ACSL6: variants seen among roughly 807,000 people sequenced by gnomAD.
ACSL6 encodes long-chain-fatty-acid--CoA ligase 6.
In ACSL6, 47 loss-of-function variants were observed where a neutral mutation model predicts 98.2. The ratio of observed to expected loss-of-function variants is 0.48; its 90% CI spans 0.38 to 0.61. The LOEUF is 0.61. ACSL6 is among the 20% of genes least tolerant of loss of function. The pLI is 0.00. For missense variants in ACSL6, 761 were observed against 913.4 expected (o/e 0.83, Z 2.15); for synonymous variants, 362 against 336.9 (o/e 1.07, Z -0.82).
At chr5:131,967,430 G>A (rs917140400) in intron 16 of ACSL6, among the ~76,000 whole-genome samples, 3 of 152,044 alleles carry the variant, frequency 2.0e-5, no homozygotes, top group Admixed American at 6.6e-5. Context: ...TTGGGAGGCC[G>A]AGGTGGGCGG....
intron 16 of ACSL6, among the ~76,000 whole-genome samples, 174 bp downstream of exon 16, chr5:131,967,766 T>C (rs1432651667): frequency 6.6e-6 from 1 of 152,106 alleles, no homozygotes; most frequent in Admixed American, 6.6e-5. Context: ...GCACTAGCTC[T>C]TGGTTGCCTC....
Position 131,986,866 on chromosome 5 carries a change from A to C in ACSL6, c.832-12T>G. On this transcript the variant is annotated splice_polypyrimidine_tract_variant and intron_variant, in intron 7 of 20. Coordinates refer to ENST00000651883, the MANE Select transcript of ACSL6 (RefSeq NM_001009185.3). ...TCTTGGCCACAGTCCTGAAAGAAGA[A>C]AATGCTGTTTTTAAATGCTCAAAAG... is the stretch of plus-strand genomic sequence containing the variant. 2 of 1,614,102 alleles carry C rather than the reference A, an allele frequency of 1.2e-6. No individual in the cohort carries two copies. The highest frequency in any genetic ancestry group is 1.7e-6 in the Non-Finnish European group (2 of 1,180,028).
At chr5:131,973,073 C>T (rs908266703) in intron 12 of ACSL6, among the ~76,000 whole-genome samples, 193 bp downstream of exon 12, 5 of 152,128 alleles carry the variant, frequency 3.3e-5, no homozygotes, top group African/African-American at 1.2e-4. Context: ...AAATCTCTCC[C>T]GCAGGGGTAT....
intron 18 of ACSL6, 106 bp from the exon 19 acceptor site, chr5:131,960,727 G>T: frequency 1.3e-6 from 1 of 744,488 alleles, no homozygotes; most frequent in Admixed American, 3.2e-5. Context: ...CAAAAACTAA[G>T]TATATGTTTA....
chr5:131,992,550 C>A (rs1044981769), intron 2 of ACSL6, among the ~76,000 whole-genome samples: 22 of 152,190 alleles, frequency 1.4e-4, no homozygotes, highest in African/African-American at 5.3e-4. Flanking sequence ...CATGTCCTGT[C>A]TTCCAGACCC....
chr5:131,976,273 C>A (rs1753604968), intron 10 of ACSL6: 9 of 964,744 alleles, frequency 9.3e-6, no homozygotes, highest in Non-Finnish European at 1.1e-5. Context: ...TAAACCCTGA[C>A]CTTTGAAAAA....
rs1220918963 is a variant in ACSL6 at position 131,953,192 on chromosome 5, A to C, written c.*1042T>G. On this transcript the variant is annotated 3_prime_UTR_variant, in exon 21 of 21. Transcript: ENST00000651883. ...AGAAGTCCATGAACATACACACACT[A>C]TCCTTGAATAGTTTTACATTATATT... 1.0e-5 allele frequency: 2 copies of C among 195,604 alleles called. No individual in the cohort carries two copies. Among genetic ancestry groups the C allele is most frequent in the Non-Finnish European group, 2.1e-5 (2 of 94,286 alleles). The allele number at this position is 195,604 out of a possible 1,614,324, so 12.1% of individuals were successfully genotyped here. A position where few individuals can be genotyped will look rare whatever the true frequency, so the allele number is the denominator to read the frequency against.
chr5:131,957,124 C>A (rs1266912097), intron 20 of ACSL6, among the ~76,000 whole-genome samples: 1 of 151,916 alleles, frequency 6.6e-6, no homozygotes, highest in Non-Finnish European at 1.5e-5. Context: ...TCCTTTAACA[C>A]AATATTGCTT....
intron 2 of ACSL6, among the ~76,000 whole-genome samples, chr5:131,991,669 C>T (rs1754522159): frequency 6.6e-6 from 1 of 152,096 alleles, no homozygotes; most frequent in Admixed American, 6.5e-5. Flanking sequence ...CCAGCCTTCT[C>T]CTGCCTCCTC....
At chr5:131,979,665 G>A (rs1753794158) in intron 9 of ACSL6, among the ~76,000 whole-genome samples, 1 of 152,222 alleles carries the variant, frequency 6.6e-6, no homozygotes, top group Non-Finnish European at 1.5e-5. Context: ...GTCTCTACAT[G>A]TGGTCCCAAA....
intron 9 of ACSL6, chr5:131,983,395 G>T (rs1397755331): frequency 6.6e-6 from 1 of 152,168 alleles, no homozygotes; most frequent in African/African-American, 2.4e-5. Context: ...CACATGCTAA[G>T]AATGAAATCT....
chr5:131,973,717 C>T (rs1753447922), intron 11 of ACSL6: 3 of 240,314 alleles, frequency 1.2e-5, no homozygotes, highest in African/African-American at 2.2e-5. Context: ...CATGGGCCTC[C>T]CTGGGGACTC....
At chr5:131,994,386 A>G (rs1580687085) in intron 1 of ACSL6, 135 bp from the exon 2 acceptor site, 1 of 737,182 alleles carries the variant, frequency 1.4e-6, no homozygotes, top group South Asian at 1.8e-5. Flanking sequence ...TACAGAGTGC[A>G]CCCCAGAAGC....
intron 1 of ACSL6, among the ~76,000 whole-genome samples, chr5:132,007,364 C>G (rs751532314): frequency 4.6e-5 from 7 of 152,376 alleles, no homozygotes; most frequent in Admixed American, 6.5e-5. Flanking sequence ...TCACACAGGT[C>G]CCTTGGCCTG....
intron 18 of ACSL6, 118 bp from the exon 19 acceptor site, chr5:131,960,739 A>G (rs1752663348): frequency 4.4e-6 from 3 of 675,276 alleles, no homozygotes; most frequent in Non-Finnish European, 7.3e-6. Context: ...ATATGTTTAT[A>G]AAACATTTGT....
chr5:131,966,309 G>GA, intron 17 of ACSL6, 107 bp downstream of exon 17: 1 of 1,060,814 alleles, frequency 9.4e-7, no homozygotes, highest in Non-Finnish European at 1.4e-6. Context: ...GCTCCTGAAT[G>GA]ACTCATTGTC....
chr5:131,975,120 T>G (rs1401496794), intron 10 of ACSL6, 150 bp from the exon 11 acceptor site: 40 of 1,369,550 alleles, frequency 2.9e-5, no homozygotes, highest in African/African-American at 9.9e-5. Flanking sequence ...GAGAGAGAGG[T>G]GAGATGAAAG....
At chr5:131,957,438 A>G (rs2149681800) in intron 20 of ACSL6, among the ~76,000 whole-genome samples, 1 of 152,380 alleles carries the variant, frequency 6.6e-6, no homozygotes, top group African/African-American at 2.4e-5. Flanking sequence ...CCAGCCACCT[A>G]TCTACTCATT....
At chr5:131,989,360 C>A in intron 5 of ACSL6, 47 bp downstream of exon 5, 2 of 1,569,168 alleles carry the variant, frequency 1.3e-6, no homozygotes, top group Non-Finnish European at 1.8e-6. Flanking sequence ...TGGCAGCCAA[C>A]CCCTACCCCA....
Sources: allele counts gnomAD v4.1 joint callset (sites outside exome capture counted in the v4.1 genomes callset), GRCh38; gene constraint gnomAD v4.1.1; transcripts MANE v1.5; gene names NCBI Gene and HGNC (gene_info 2026-07-23, HGNC 2026-07-21).